The following CCDC68 variants were observed in gnomAD, a reference collection of about 807,000 sequenced individuals.
The protein encoded by CCDC68 is coiled-coil domain-containing protein 68.
CCDC68 carries 45 observed loss-of-function variants against 47.1 expected under a neutral mutation model. That is an observed-to-expected ratio of 0.96 (90% CI 0.75 to 1.23). CCDC68 has a LOEUF of 1.23. Among genes scored for constraint, CCDC68 ranks in the 50% most tolerant of loss-of-function variants. The pLI is 0.00. For synonymous variants in CCDC68, 131 were observed against 129.5 expected (o/e 1.01, Z -0.08); for missense variants, 353 against 373.6 (o/e 0.94, Z 0.45).
chr18:54,903,114 C>T lies in CCDC68; in HGVS notation c.*1244G>A, dbSNP rs1944362. ...CAGTACTTGGATAAATTTATAAATA[C>T]ATTACATCATCTCATTTTTATATAC... On this transcript the variant is annotated 3_prime_UTR_variant, in exon 12 of 12. Transcript: ENST00000591504. The T allele has an allele frequency of 6.6e-6, 1 of 152,018 alleles. No homozygotes were observed. Among genetic ancestry groups the T allele is most frequent in the Admixed American group, 6.5e-5 (1 of 15,274 alleles). 9.4% of individuals were successfully genotyped at this position (152,018 alleles called of 1,614,324 possible).
chr18:54,946,411 C>T (rs927070093), intron 1 of CCDC68, among the ~76,000 whole-genome samples: 2 of 152,192 alleles, frequency 1.3e-5, no homozygotes, highest in African/African-American at 2.4e-5. Context: ...GCAAAGCAAT[C>T]GATCTGGCCT....
intron 4 of CCDC68, among the ~76,000 whole-genome samples, chr18:54,940,150 G>A (rs1377341532): frequency 3.3e-5 from 5 of 152,030 alleles, no homozygotes; most frequent in Non-Finnish European, 7.4e-5. Context: ...TCCAGTTTCA[G>A]AACTTTAAAT....
In CCDC68 at chr18:54,942,714, C is replaced by T. The variant is rs61743412; in HGVS notation, c.78G>A (p.Thr26=). 35,634 of 1,610,906 alleles carry T rather than the reference C, an allele frequency of 0.022. 1,655 individuals carry two copies. Among genetic ancestry groups the T allele is most frequent in the African/African-American group, 0.17 (12,494 of 74,662 alleles). ...CGGTTTCTTCAATAATGTGAGCGGACGTAGACTCATACAAGGCAGAATTAT... is the reference window on the plus strand; with the variant it reads ...CGGTTTCTTCAATAATGTGAGCGGATGTAGACTCATACAAGGCAGAATTAT... ...MEDNSALYES[T]SAHIIEETEY... Residue 26 remains threonine (T), a synonymous_variant, in exon 3 of 12, where the codon ACG becomes ACA. Transcript: ENST00000591504.
At position 54,907,868 on chromosome 18, in the gene CCDC68, A is replaced by G. The variant is rs748159066; in HGVS notation, c.874-6T>C. On this transcript the variant is annotated splice_polypyrimidine_tract_variant and splice_region_variant and intron_variant, in intron 10 of 11. Coordinates refer to ENST00000591504, the MANE Select transcript of CCDC68 (RefSeq NM_025214.3). ...TGGGTTTTTAGTTCTTTATTCTAAA[A>G]TTGAAAAAAAATGCAGACGTCAAAT... The G allele has an allele frequency of 6.4e-7, 1 of 1,555,512 alleles. No homozygotes were observed. Among genetic ancestry groups the G allele is most frequent in the South Asian group, 1.1e-5 (1 of 89,830 alleles).
chr18:54,928,966 C>T (rs2044196130), intron 7 of CCDC68, 84 bp from the exon 8 acceptor site: 1 of 753,812 alleles, frequency 1.3e-6, no homozygotes, highest in Non-Finnish European at 2.3e-6. Flanking sequence ...ATAACTATGG[C>T]TTGAGCTAAA....
chr18:54,930,623 T>A (rs1441566209), intron 7 of CCDC68, among the ~76,000 whole-genome samples: 1 of 26,006 alleles, frequency 3.8e-5, no homozygotes, highest in South Asian at 2.8e-3. Flanking sequence ...TCCCTTCCCT[T>A]CCCCTCCCTC....
At chr18:54,957,635 T>A (rs777785617) in intron 1 of CCDC68, among the ~76,000 whole-genome samples, 2,653 of 151,472 alleles carry the variant, frequency 0.018, 75 homozygotes, top group African/African-American at 0.061. Flanking sequence ...ACACTCTCTC[T>A]CTCTCTCTCT....
At position 54,942,704 on chromosome 18, in the gene CCDC68, T is replaced by C; in HGVS notation, c.88A>G (p.Ile30Val). 6.2e-7 allele frequency: 1 copy of C among 1,607,294 alleles called. No individual in the cohort carries two copies. Among genetic ancestry groups the C allele is most frequent in the East Asian group, 2.2e-5 (1 of 44,614 alleles). ...SALYESTSAH[I>V]IEETEYVKKI... ...TTCACATACTCGGTTTCTTCAATAA[T>C]GTGAGCGGACGTAGACTCATACAAG... Residue 30 changes from isoleucine (I) to valine (V), a missense_variant, in exon 3 of 12, where the codon ATT (isoleucine) becomes GTT (valine). Physicochemically the swap from Ile to Val is conservative, Grantham distance 29. Transcript: ENST00000591504.
At chr18:54,942,361 A>G (rs1047219252) in intron 3 of CCDC68, among the ~76,000 whole-genome samples, 2 of 152,174 alleles carry the variant, frequency 1.3e-5, no homozygotes, top group Admixed American at 1.3e-4. Context: ...AAACATTATA[A>G]AACAGTAGGA....
intron 9 of CCDC68, among the ~76,000 whole-genome samples, chr18:54,918,499 T>C (rs1026032408): frequency 1.8e-4 from 28 of 152,284 alleles, no homozygotes; most frequent in African/African-American, 6.7e-4. Flanking sequence ...GACACAAGGA[T>C]TCTAAGACCA....
chr18:54,930,623 T>TCCCC (rs1568147328), intron 7 of CCDC68, among the ~76,000 whole-genome samples: 1 of 26,004 alleles, frequency 3.8e-5, no homozygotes, highest in Non-Finnish European at 7.7e-5. Flanking sequence ...TCCCTTCCCT[T>TCCCC]CCCCTCCCTC....
chr18:54,946,144 A>G (rs1430551545), intron 1 of CCDC68, among the ~76,000 whole-genome samples: 4 of 152,248 alleles, frequency 2.6e-5, no homozygotes, highest in African/African-American at 4.8e-5. Flanking sequence ...TTCAAGACAC[A>G]TGAAAATTAT....
In CCDC68 at chr18:54,904,564, T is replaced by G. The variant is rs990099311; in HGVS notation, c.951-149A>C. ...AAGAGATGTGTTAATAGATGTATTC[T>G]GACCAGTTCCCCATGATATACAGTA... On this transcript the variant is annotated intron_variant, in intron 11 of 11. Transcript: ENST00000591504. The G allele has an allele frequency of 1.3e-5, 8 of 629,712 alleles. No individual in the cohort carries two copies. The African/African-American group carries it at 1.3e-4, about 10-fold the overall frequency. The allele number at this position is 629,712 out of a possible 1,614,324, so 39.0% of individuals were successfully genotyped here.
chr18:54,930,648 TCCC>T (rs2044232976), intron 7 of CCDC68, among the ~76,000 whole-genome samples: 1 of 9,300 alleles, frequency 1.1e-4, no homozygotes, highest in African/African-American at 4.6e-4. Context: ...CCTCCCTCCC[TCCC>T]TCCCTTCCTT....
chr18:54,934,765 C>A (rs1053494210), intron 7 of CCDC68, 55 bp downstream of exon 7: 9 of 1,260,738 alleles, frequency 7.1e-6, no homozygotes, highest in African/African-American at 3.1e-5. Flanking sequence ...TATTTTATTT[C>A]ATTCTCATCC....
In CCDC68 at chr18:54,940,190, C is replaced by T. The variant is rs188963277; in HGVS notation, c.204+807G>A. Among the ~76,000 whole-genome samples, 8 of 152,286 alleles carry T rather than the reference C, an allele frequency of 5.3e-5. No homozygotes were observed. The East Asian group carries it at 1.5e-3, about 29-fold the overall frequency. On this transcript the variant is annotated intron_variant, in intron 4 of 11. Transcript: ENST00000591504. ...TCCTCAAATGCCCAAAATCTCTACC[C>T]TGTATCCTGGACCTTCTAGCTCAGT...
intron 10 of CCDC68, among the ~76,000 whole-genome samples, chr18:54,913,016 G>A (rs1161441476): frequency 6.6e-6 from 1 of 152,156 alleles, no homozygotes; most frequent in Non-Finnish European, 1.5e-5. Flanking sequence ...AGGTTTGGGT[G>A]AGGACACAGC....
chr18:54,946,831 A>AG (rs1897825878), intron 1 of CCDC68, among the ~76,000 whole-genome samples: 2 of 134,344 alleles, frequency 1.5e-5, no homozygotes, highest in South Asian at 5.0e-4. Flanking sequence ...TAGGAAAATG[A>AG]GTTTTTTTTT....
At chr18:54,958,808 G>C (rs2044754940) in intron 1 of CCDC68, among the ~76,000 whole-genome samples, 1 of 152,286 alleles carries the variant, frequency 6.6e-6, no homozygotes, top group Non-Finnish European at 1.5e-5. Flanking sequence ...TTAAGGAAAA[G>C]GTCAAGCAAT....
Sources: allele counts gnomAD v4.1 joint callset (sites outside exome capture counted in the v4.1 genomes callset), GRCh38; gene constraint gnomAD v4.1.1; transcripts MANE v1.5; gene names NCBI Gene and HGNC (gene_info 2026-07-23, HGNC 2026-07-21).